Variants in PCCB observed in about 807,000 individuals in gnomAD.
PCCB encodes the protein propionyl-CoA carboxylase subunit beta.
Under a neutral mutation model 60.7 loss-of-function variants are expected in PCCB, and 43 were observed. The ratio of observed to expected loss-of-function variants is 0.71; its 90% CI spans 0.55 to 0.91. The LOEUF (loss-of-function observed/expected upper bound fraction) is 0.91, where lower values mean the gene tolerates loss of function less well. PCCB is among the 40% of genes least tolerant of loss of function. The pLI, the probability that PCCB is intolerant of heterozygous loss-of-function variation, is 0.00. For missense variants in PCCB, 766 were observed against 702.8 expected (o/e 1.09, Z -1.02); for synonymous variants, 276 against 255.9 (o/e 1.08, Z -0.75).
At chr3:136,324,633 A>G (rs1347922744) in intron 10 of PCCB, among the ~76,000 whole-genome samples, 2 of 151,942 alleles carry the variant, frequency 1.3e-5, no homozygotes, top group Non-Finnish European at 2.9e-5. Flanking sequence ...TGGTTTCAAC[A>G]GTAATCTTTT....
At chr3:136,316,517 C>T (rs1457568428) in intron 9 of PCCB, among the ~76,000 whole-genome samples, 1 of 151,998 alleles carries the variant, frequency 6.6e-6, no homozygotes, top group Non-Finnish European at 1.5e-5. Flanking sequence ...GGTTTCGCTA[C>T]ATTGGCCAGG....
chr3:136,329,863 T>C (rs781690510), intron 14 of PCCB, 42 bp from the exon 15 acceptor site: 1 of 1,612,670 alleles, frequency 6.2e-7, no homozygotes, highest in Non-Finnish European at 8.5e-7. Flanking sequence ...TGGCATCATC[T>C]CGGGATGCAG....
At chr3:136,279,545 G>T (rs1942418544) in intron 5 of PCCB, among the ~76,000 whole-genome samples, 1 of 152,066 alleles carries the variant, frequency 6.6e-6, no homozygotes, top group African/African-American at 2.4e-5. Flanking sequence ...TAGACATACT[G>T]CTTCTGTAAC....
intron 8 of PCCB, among the ~76,000 whole-genome samples, chr3:136,299,825 TATGTATATGC>T (rs1283558168): frequency 6.7e-6 from 1 of 149,008 alleles, no homozygotes; most frequent in Non-Finnish European, 1.5e-5. Context: ...CATGTGTATG[TATGTATATGC>T]ATGTGTATGT....
intron 9 of PCCB, among the ~76,000 whole-genome samples, chr3:136,305,760 A>AG (rs1934435798): frequency 8.4e-6 from 1 of 119,566 alleles, no homozygotes; most frequent in African/African-American, 2.5e-5. Flanking sequence ...AAAAAAAAAA[A>AG]AGAAAGAAAA....
intron 4 of PCCB, among the ~76,000 whole-genome samples, 190 bp from the exon 5 acceptor site, chr3:136,261,762 C>T (rs963939530): frequency 6.6e-6 from 1 of 152,152 alleles, no homozygotes. Context: ...TTTAATCAGC[C>T]TATTAAATAT....
chr3:136,322,826 A>C (rs543028864), intron 10 of PCCB, among the ~76,000 whole-genome samples: 75 of 152,192 alleles, frequency 4.9e-4, no homozygotes, highest in Non-Finnish European at 3.2e-4. Flanking sequence ...AAAATGTCTT[A>C]ATTCTTAAAT....
chr3:136,299,461 T>C (rs1002489506), intron 8 of PCCB, among the ~76,000 whole-genome samples: 1 of 151,472 alleles, frequency 6.6e-6, no homozygotes, highest in Admixed American at 6.6e-5. Flanking sequence ...TATGCATGTG[T>C]ATGTATAGGT....
intron 9 of PCCB, among the ~76,000 whole-genome samples, chr3:136,307,977 AAATAATAATAAT>A (rs142093462): frequency 3.3e-5 from 5 of 150,346 alleles, no homozygotes; most frequent in Admixed American, 6.6e-5. Flanking sequence ...CTCCATCTCA[AAATAATAATAAT>A]AATAATAATA....
chr3:136,279,867 C>T (rs1001539887), intron 5 of PCCB, among the ~76,000 whole-genome samples: 25 of 152,168 alleles, frequency 1.6e-4, no homozygotes, highest in Admixed American at 7.9e-4. Flanking sequence ...GGGGTTTCAC[C>T]GTGTTAGCCA....
rs138039998 is a variant in PCCB at position 136,298,782 on chromosome 3, T to C, written c.884+710T>C. Among the ~76,000 whole-genome samples the C allele has an allele frequency of 7.2e-4, 110 of 152,354 alleles. 1 individual carries two copies. The highest frequency in any genetic ancestry group is 2.3e-3 in the African/African-American group (97 of 41,586). ...TCCATTTTATTTCCTCTCCAAATTA[T>C]AAGCACTCACTTGGCCTGGACTTTC... is the stretch of plus-strand genomic sequence containing the variant. On this transcript the variant is annotated intron_variant, in intron 8 of 14. Transcript: ENST00000251654.
chr3:136,275,998 T>C (rs747388859), intron 5 of PCCB, among the ~76,000 whole-genome samples: 3 of 152,188 alleles, frequency 2.0e-5, no homozygotes, highest in Non-Finnish European at 4.4e-5. Context: ...CACAAACTCC[T>C]GACCTCAGGT....
chr3:136,250,589 C>A (rs1467437043), intron 1 of PCCB, 31 bp downstream of exon 1: 4 of 1,584,586 alleles, frequency 2.5e-6, no homozygotes, highest in East Asian at 2.3e-5. Context: ...GTGAGTCCCG[C>A]CCCTGGCGTC....
intron 11 of PCCB, 43 bp downstream of exon 11, chr3:136,326,953 C>T (rs1935335865): frequency 7.6e-7 from 1 of 1,310,784 alleles, no homozygotes; most frequent in Admixed American, 1.7e-5. Flanking sequence ...TTGCCTTTCC[C>T]AGTAAGGTGC....
Position 136,330,054 on chromosome 3 carries a change from C to G in PCCB, c.*28C>G, listed in dbSNP as rs754530313. On this transcript the variant is annotated 3_prime_UTR_variant, in exon 15 of 15. Coordinates refer to ENST00000251654, the MANE Select transcript of PCCB (RefSeq NM_000532.5). ...AAATCAAAGGAAAAGAAACCAAGAACTGAATTACTGTCTGCCCATTCACAT... is the reference window on the plus strand; with the variant it reads ...AAATCAAAGGAAAAGAAACCAAGAAGTGAATTACTGTCTGCCCATTCACAT... 8 of 1,613,614 alleles carry G rather than the reference C, an allele frequency of 5.0e-6. No individual in the cohort carries two copies.
Position 136,250,349 on chromosome 3 carries a change from G to C in PCCB, c.-27G>C. 6.7e-7 allele frequency: 1 copy of C among 1,488,948 alleles called. No individual in the cohort carries two copies. The allele number at this position is 1,488,948 out of a possible 1,614,324, so 92.2% of individuals were successfully genotyped here. A position where few individuals can be genotyped will look rare whatever the true frequency, so the allele number is the denominator to read the frequency against. ...TAGCACATGCGTACTCAGGTGCGCC[G>C]GTAGGGGACGCGCCGGCACAGCAAA... On this transcript the variant is annotated 5_prime_UTR_variant, in exon 1 of 15. Coordinates refer to ENST00000251654, the MANE Select transcript of PCCB (RefSeq NM_000532.5).
chr3:136,328,708 C>T, intron 13 of PCCB, 50 bp from the exon 14 acceptor site: 1 of 1,409,166 alleles, frequency 7.1e-7, no homozygotes, highest in Non-Finnish European at 1.0e-6. Context: ...TGAAGGAGAT[C>T]TGTCCAGGTT....
At chr3:136,297,729 A>G (rs1042665147) in intron 7 of PCCB, among the ~76,000 whole-genome samples, 10 of 152,276 alleles carry the variant, frequency 6.6e-5, no homozygotes, top group South Asian at 2.1e-4. Context: ...ACCCCTGTAG[A>G]GGTGTGGTTG....
chr3:136,285,317 A>T (rs906450143), intron 6 of PCCB, among the ~76,000 whole-genome samples: 3 of 151,492 alleles, frequency 2.0e-5, no homozygotes, highest in African/African-American at 7.3e-5. Flanking sequence ...ATAACTCTCC[A>T]CCCTTCTTCA....
Sources: gnomAD v4.1 joint callset for allele counts (sites outside exome capture counted in the v4.1 genomes callset) on GRCh38, gnomAD v4.1.1 for gene constraint, MANE v1.5 for transcripts, NCBI Gene and HGNC (gene_info 2026-07-23, HGNC 2026-07-21) for gene names.